GRID2: variants seen among roughly 807,000 people sequenced by gnomAD.
GRID2 encodes glutamate ionotropic receptor delta type subunit 2, also known as glutamate receptor ionotropic, delta-2.
In GRID2, 33 loss-of-function variants were observed where a neutral mutation model predicts 114.8. That is an observed-to-expected ratio of 0.29 (90% confidence interval 0.22 to 0.38). The LOEUF (loss-of-function observed/expected upper bound fraction) is 0.38, where lower values mean the gene tolerates loss of function less well. Among genes scored for constraint, GRID2 ranks in the 10% least tolerant of loss-of-function variants. The pLI, the probability that GRID2 is intolerant of heterozygous loss-of-function variation, is 1.00. For missense variants in GRID2, 1,184 were observed against 1,257.7 expected, an observed-to-expected ratio of 0.94 and a Z score of 0.89; for synonymous variants, 505 against 449.9, an observed-to-expected ratio of 1.12 and a Z score of -1.55.
intron 9 of GRID2, among the ~76,000 whole-genome samples, chr4:93,405,400 CAT>C (rs2149344107): frequency 1.3e-5 from 2 of 152,260 alleles, no homozygotes; most frequent in South Asian, 4.1e-4. Context: ...GTTGCACAGA[CAT>C]GTGTGAGTAT....
chr4:93,068,995 C>A (rs1221557189), intron 2 of GRID2, among the ~76,000 whole-genome samples: 1 of 151,742 alleles, frequency 6.6e-6, no homozygotes, highest in East Asian at 1.9e-4. Flanking sequence ...CATCACATGG[C>A]CAGAGCAGAA....
chr4:93,005,325 C>T (rs2149222019), intron 2 of GRID2, among the ~76,000 whole-genome samples: 1 of 152,152 alleles, frequency 6.6e-6, no homozygotes, highest in African/African-American at 2.4e-5. Flanking sequence ...TCAATAAGTG[C>T]TGCTGGTGCT....
intron 2 of GRID2, among the ~76,000 whole-genome samples, chr4:92,672,453 A>G (rs1308632544): frequency 6.6e-6 from 1 of 152,158 alleles, no homozygotes; most frequent in Non-Finnish European, 1.5e-5. Context: ...TAATATTTTT[A>G]CAGCTTTCTC....
At chr4:92,474,843 C>A (rs1722215581) in intron 1 of GRID2, among the ~76,000 whole-genome samples, 1 of 150,720 alleles carries the variant, frequency 6.6e-6, no homozygotes, top group African/African-American at 2.4e-5. Flanking sequence ...TTTATTTTTT[C>A]CTGAGTTGTT....
At chr4:93,323,563 G>T (rs577630804) in intron 8 of GRID2, among the ~76,000 whole-genome samples, 38 of 152,238 alleles carry the variant, frequency 2.5e-4, no homozygotes, top group African/African-American at 7.0e-4. Flanking sequence ...CTTTAAAGTA[G>T]TTTTTTCTAA....
intron 14 of GRID2, among the ~76,000 whole-genome samples, chr4:93,673,824 A>G (rs112549561): frequency 1.3e-5 from 2 of 152,196 alleles, no homozygotes; most frequent in African/African-American, 2.4e-5. Context: ...CGCACCATAA[A>G]TCAAACTTGA....
intron 2 of GRID2, among the ~76,000 whole-genome samples, chr4:92,770,754 C>T (rs1026770554): frequency 1.3e-5 from 2 of 152,100 alleles, no homozygotes; most frequent in Non-Finnish European, 2.9e-5. Context: ...GAAAGACCCA[C>T]CACCATAATT....
intron 4 of GRID2, among the ~76,000 whole-genome samples, chr4:93,193,533 A>G (rs1008749645): frequency 6.6e-6 from 1 of 152,134 alleles, no homozygotes; most frequent in African/African-American, 2.4e-5. Context: ...CCCTTCTGCC[A>G]TGATTGTAAG....
chr4:93,073,002 T>C (rs1418236820), intron 2 of GRID2, among the ~76,000 whole-genome samples: 1 of 152,208 alleles, frequency 6.6e-6, no homozygotes, highest in Non-Finnish European at 1.5e-5. Flanking sequence ...GTTGCAACTG[T>C]GGTGAGGTCA....
chr4:93,670,598 A>T (rs140912555), intron 14 of GRID2, among the ~76,000 whole-genome samples: 26 of 152,322 alleles, frequency 1.7e-4, no homozygotes, highest in African/African-American at 6.3e-4. Context: ...CTACACTGAT[A>T]CTTTCACACA....
chr4:93,464,483 T>C (rs1724076319), intron 11 of GRID2, among the ~76,000 whole-genome samples: 2 of 116,276 alleles, frequency 1.7e-5, no homozygotes, highest in East Asian at 3.0e-4. Flanking sequence ...AAAATCCCCA[T>C]CTTCAACTTT....
intron 2 of GRID2, among the ~76,000 whole-genome samples, chr4:93,027,567 C>T (rs1045206029): frequency 1.3e-5 from 2 of 151,960 alleles, no homozygotes; most frequent in Non-Finnish European, 2.9e-5. Context: ...TGAGAATATT[C>T]AATAATTCAA....
chr4:92,682,964 G>T lies in GRID2; in HGVS notation c.244+92678G>T, dbSNP rs75688137. Among the ~76,000 whole-genome samples, 583 of 152,096 alleles carry T rather than the reference G, an allele frequency of 3.8e-3. 9 individuals are homozygous for T. In the East Asian group the frequency reaches 0.052, roughly 14 times the overall value. ...AAACTGATATGAAAAATAACAAATT[G>T]GTTCTGTTACATTCTCCAGCATCTT... On this transcript the variant is annotated intron_variant, in intron 2 of 15. Transcript: ENST00000282020.
At chr4:92,917,316 T>C (rs1304916704) in intron 2 of GRID2, among the ~76,000 whole-genome samples, 2 of 152,194 alleles carry the variant, frequency 1.3e-5, no homozygotes, top group African/African-American at 4.8e-5. Context: ...AGGTTGCCTG[T>C]TCACTCTGAT....
chr4:93,663,138 C>T (rs1254080036), intron 14 of GRID2, among the ~76,000 whole-genome samples: 1 of 152,150 alleles, frequency 6.6e-6, no homozygotes, highest in East Asian at 1.9e-4. Context: ...ATCAGTGGTT[C>T]TCTCATGCTA....
intron 4 of GRID2, among the ~76,000 whole-genome samples, chr4:93,142,335 C>T (rs1735850602): frequency 6.6e-6 from 1 of 152,126 alleles, no homozygotes; most frequent in East Asian, 1.9e-4. Context: ...AAGTTTATTT[C>T]TCTCATTTAT....
At chr4:93,115,921 G>T (rs567315925) in intron 4 of GRID2, among the ~76,000 whole-genome samples, 39 of 152,198 alleles carry the variant, frequency 2.6e-4, no homozygotes, top group Middle Eastern at 3.4e-3. Context: ...TGGGGACAAA[G>T]CCAACCATAT....
intron 14 of GRID2, among the ~76,000 whole-genome samples, chr4:93,683,503 A>G (rs1053050892): frequency 6.6e-6 from 1 of 152,066 alleles, no homozygotes; most frequent in Non-Finnish European, 1.5e-5. Context: ...CTTTCTTGAA[A>G]TTGGTGTTCT....
chr4:93,400,646 C>T (rs1017893304), intron 9 of GRID2, among the ~76,000 whole-genome samples: 6 of 151,880 alleles, frequency 4.0e-5, no homozygotes, highest in African/African-American at 7.3e-5. Context: ...GAAAGGCGTG[C>T]GAAGCTATGC....
Sources: allele counts gnomAD v4.1 joint callset (sites outside exome capture counted in the v4.1 genomes callset), GRCh38; gene constraint gnomAD v4.1.1; transcripts MANE v1.5; gene names NCBI Gene and HGNC (gene_info 2026-07-23, HGNC 2026-07-21).